Variants in GALNTL6 observed in about 807,000 individuals in gnomAD.
GALNTL6 encodes the protein polypeptide N-acetylgalactosaminyltransferase like 6.
GALNTL6 carries 46 observed loss-of-function variants against 73.7 expected under a neutral mutation model. The observed-to-expected ratio is 0.62, with a 90% confidence interval of 0.49 to 0.80. The LOEUF is 0.80. Ranked by LOEUF, GALNTL6 falls within the 30% of genes least tolerant of loss-of-function variation. GALNTL6 has a pLI of 0.00. For missense variants in GALNTL6, 604 were observed against 755.0 expected, an observed-to-expected ratio of 0.80 and a Z score of 2.34; for synonymous variants, 259 against 263.7, an observed-to-expected ratio of 0.98 and a Z score of 0.17.
At position 172,774,629 on chromosome 4, in the gene GALNTL6, A is replaced by T. The variant is rs545533803; in HGVS notation, c.554-34732A>T. Among the ~76,000 whole-genome samples the T allele has an allele frequency of 7.2e-5, 11 of 152,288 alleles. No individual in the cohort carries two copies. The South Asian group carries it at 2.3e-3, about 32-fold the overall frequency. The stretch of plus-strand genomic sequence containing the variant: ...TTGGGCTGGGGATTTTATCTGCCAA[A>T]ATGCCTTCCTCTGATACTTAGGGAG... On this transcript the variant is annotated intron_variant, in intron 5 of 12. Coordinates refer to ENST00000506823, the MANE Select transcript of GALNTL6 (RefSeq NM_001034845.3).
intron 4 of GALNTL6, among the ~76,000 whole-genome samples, chr4:172,334,024 C>T (rs984073499): frequency 2.0e-5 from 3 of 152,150 alleles, no homozygotes; most frequent in Non-Finnish European, 2.9e-5. Context: ...TCTGGATTCT[C>T]TCTTTTGTTC....
chr4:172,057,561 A>G (rs907542896), intron 2 of GALNTL6, among the ~76,000 whole-genome samples: 12 of 150,256 alleles, frequency 8.0e-5, no homozygotes, highest in Admixed American at 6.6e-4. Flanking sequence ...AATAAAAAAA[A>G]CTGGGTGTGG....
chr4:172,852,108 G>C (rs1343104045), intron 7 of GALNTL6, among the ~76,000 whole-genome samples: 1 of 151,986 alleles, frequency 6.6e-6, no homozygotes, highest in East Asian at 1.9e-4. Context: ...CACTGGTTGG[G>C]GACTTGTCTT....
At chr4:172,836,012 G>A (rs950676306) in intron 7 of GALNTL6, among the ~76,000 whole-genome samples, 1 of 152,122 alleles carries the variant, frequency 6.6e-6, no homozygotes, top group African/African-American at 2.4e-5. Context: ...TTTGCAACTC[G>A]GGGCCACTGT....
At chr4:172,209,442 TCAA>T (rs1560970829) in intron 2 of GALNTL6, among the ~76,000 whole-genome samples, 1 of 88,014 alleles carries the variant, frequency 1.1e-5, no homozygotes. Context: ...GGGTCTCTGG[TCAA>T]AAAAAAAAAA....
intron 5 of GALNTL6, among the ~76,000 whole-genome samples, chr4:172,623,712 A>G (rs1309941220): frequency 6.6e-6 from 1 of 152,110 alleles, no homozygotes; most frequent in Non-Finnish European, 1.5e-5. Context: ...TACCATGGCC[A>G]GAATGCAAGA....
chr4:171,877,281 A>G (rs1454157581), intron 2 of GALNTL6, among the ~76,000 whole-genome samples: 1 of 152,142 alleles, frequency 6.6e-6, no homozygotes, highest in African/African-American at 2.4e-5. Context: ...ATATGTGTAA[A>G]TTTAGTCTTT....
intron 3 of GALNTL6, among the ~76,000 whole-genome samples, chr4:172,266,507 T>G (rs1028022335): frequency 6.6e-6 from 1 of 152,132 alleles, no homozygotes; most frequent in South Asian, 2.1e-4. Flanking sequence ...TATAACTAGG[T>G]TAAATAATTC....
chr4:172,776,916 G>T (rs529508211), intron 5 of GALNTL6, among the ~76,000 whole-genome samples: 1 of 152,012 alleles, frequency 6.6e-6, no homozygotes, highest in East Asian at 1.9e-4. Context: ...TTTGTGCTAC[G>T]CATTTCTACT....
intron 10 of GALNTL6, among the ~76,000 whole-genome samples, chr4:172,995,780 G>A (rs1210207569): frequency 6.6e-6 from 1 of 152,130 alleles, no homozygotes. Flanking sequence ...CTGCTTTCAT[G>A]TTTCTGACAT....
At chr4:172,456,150 A>G (rs937970581) in intron 5 of GALNTL6, among the ~76,000 whole-genome samples, 8 of 152,200 alleles carry the variant, frequency 5.3e-5, no homozygotes, top group South Asian at 2.1e-4. Flanking sequence ...AAGGAATAGC[A>G]TCAACATCAA....
intron 2 of GALNTL6, among the ~76,000 whole-genome samples, chr4:172,141,881 A>G (rs1469056829): frequency 9.2e-6 from 1 of 108,534 alleles, no homozygotes; most frequent in African/African-American, 3.7e-5. Context: ...GAACACACAC[A>G]AACACACACA....
intron 2 of GALNTL6, among the ~76,000 whole-genome samples, chr4:172,156,540 A>AATATAT (rs5864120): frequency 5.6e-4 from 70 of 125,160 alleles, no homozygotes; most frequent in Middle Eastern, 4.0e-3. Context: ...ATATATATAT[A>AATATAT]ATATATATAT....
intron 2 of GALNTL6, among the ~76,000 whole-genome samples, chr4:171,839,849 C>A (rs1399969060): frequency 6.6e-6 from 1 of 151,980 alleles, no homozygotes; most frequent in Non-Finnish European, 1.5e-5. Context: ...CTTTATCATG[C>A]CTTTCATTTT....
chr4:172,589,314 A>G (rs1168476821), intron 5 of GALNTL6, among the ~76,000 whole-genome samples: 1 of 152,242 alleles, frequency 6.6e-6, no homozygotes, highest in Non-Finnish European at 1.5e-5. Context: ...TTACATGTAT[A>G]TATGAATTTT....
intron 2 of GALNTL6, among the ~76,000 whole-genome samples, chr4:172,138,737 G>A (rs1015914638): frequency 1.3e-5 from 2 of 149,868 alleles, no homozygotes; most frequent in Non-Finnish European, 3.0e-5. Flanking sequence ...CACCCTGTTA[G>A]CCAGGATGGT....
intron 3 of GALNTL6, among the ~76,000 whole-genome samples, chr4:172,281,489 G>A (rs1739054418): frequency 1.3e-5 from 2 of 152,074 alleles, no homozygotes; most frequent in African/African-American, 4.8e-5. Flanking sequence ...GAGGTCAGGA[G>A]TTCAAGACCA....
intron 5 of GALNTL6, among the ~76,000 whole-genome samples, chr4:172,374,801 T>C (rs1742967454): frequency 6.6e-6 from 1 of 152,214 alleles, no homozygotes; most frequent in South Asian, 2.1e-4. Flanking sequence ...ATTCTTTTCA[T>C]TAGAGGCCAG....
chr4:171,863,336 A>G (rs2110882220), intron 2 of GALNTL6, among the ~76,000 whole-genome samples: 1 of 152,346 alleles, frequency 6.6e-6, no homozygotes, highest in Non-Finnish European at 1.5e-5. Flanking sequence ...TTTAACTAAT[A>G]TAACTATATG....
Sources: allele counts gnomAD v4.1 joint callset (sites outside exome capture counted in the v4.1 genomes callset), GRCh38; gene constraint gnomAD v4.1.1; transcripts MANE v1.5; gene names NCBI Gene and HGNC (gene_info 2026-07-23, HGNC 2026-07-21).